ABI3BP: variants seen among roughly 807,000 people sequenced by gnomAD.
The protein encoded by ABI3BP is target of Nesh-SH3.
ABI3BP carries 216 observed loss-of-function variants against 268.6 expected under a neutral mutation model. That is an observed-to-expected ratio of 0.80 (90% confidence interval 0.72 to 0.90). ABI3BP has a LOEUF of 0.90. Among genes scored for constraint, ABI3BP ranks in the 40% least tolerant of loss-of-function variants. The probability of loss-of-function intolerance (pLI) is 0.00; values close to 1 mark genes in which losing one functional copy is unlikely to be tolerated. For synonymous variants in ABI3BP, 730 were observed against 730.0 expected, an observed-to-expected ratio of 1.00 and a Z score of 0.00; for missense variants, 2,090 against 2,182.4, an observed-to-expected ratio of 0.96 and a Z score of 0.84.
Position 100,810,493 on chromosome 3 carries a change from G to A in ABI3BP, c.3542-16C>T. On this transcript the variant is annotated splice_polypyrimidine_tract_variant and intron_variant, in intron 48 of 67. Transcript: ENST00000471714. Reference sequence around the variant, plus strand: ...GGCGACGTTTCTATGGTAATTGAAGGAAAGTACGCGGGTTACTATAGCACT... The same window carrying A: ...GGCGACGTTTCTATGGTAATTGAAGAAAAGTACGCGGGTTACTATAGCACT... The A allele has an allele frequency of 2.6e-6, 4 of 1,527,348 alleles. No individual in the cohort carries two copies. The highest frequency in any genetic ancestry group is 3.5e-6 in the Non-Finnish European group (4 of 1,139,274). The allele number at this position is 1,527,348 out of a possible 1,614,324, so 94.6% of individuals were successfully genotyped here.
At chr3:100,791,928 T>C (rs112743431) in intron 55 of ABI3BP, among the ~76,000 whole-genome samples, 95 of 152,032 alleles carry the variant, frequency 6.2e-4, no homozygotes, top group Middle Eastern at 3.4e-3. Context: ...ATGGGCAACA[T>C]ACATTTATTT....
chr3:100,806,299 A>G (rs1002813883), intron 50 of ABI3BP, among the ~76,000 whole-genome samples: 2 of 152,116 alleles, frequency 1.3e-5, no homozygotes, highest in Admixed American at 6.6e-5. Flanking sequence ...CCCAACAACA[A>G]TAGTTTGTAT....
chr3:100,958,963 C>T (rs2077814636), intron 1 of ABI3BP, among the ~76,000 whole-genome samples: 1 of 152,174 alleles, frequency 6.6e-6, no homozygotes, highest in African/African-American at 2.4e-5. Flanking sequence ...CTCAAAACCA[C>T]CCAGATCCTT....
intron 10 of ABI3BP, 77 bp from the exon 11 acceptor site, chr3:100,864,984 CT>C: frequency 9.0e-7 from 1 of 1,107,020 alleles, no homozygotes; most frequent in Non-Finnish European, 1.3e-6. Flanking sequence ...ATCCTGTTGC[CT>C]TTTAGAATTA....
At chr3:100,942,431 A>G (rs1430405243) in intron 1 of ABI3BP, among the ~76,000 whole-genome samples, 1 of 152,094 alleles carries the variant, frequency 6.6e-6, no homozygotes, top group African/African-American at 2.4e-5. Context: ...GTCAAAATTT[A>G]TTTTGTAATA....
intron 1 of ABI3BP, among the ~76,000 whole-genome samples, chr3:100,940,785 A>AATATATATATATATAT: frequency 9.2e-5 from 1 of 10,910 alleles, no homozygotes; most frequent in South Asian, 3.2e-3. Context: ...AAATTACTTC[A>AATATATATATATATAT]CTATATATAT....
At chr3:100,888,701 G>A (rs954926098) in intron 4 of ABI3BP, among the ~76,000 whole-genome samples, 1 of 152,040 alleles carries the variant, frequency 6.6e-6, no homozygotes, top group African/African-American at 2.4e-5. Flanking sequence ...AGTTTTTCAG[G>A]AAAATAAAGG....
chr3:100,840,007 A>G, intron 23 of ABI3BP, 65 bp downstream of exon 23: 1 of 1,370,992 alleles, frequency 7.3e-7, no homozygotes, highest in South Asian at 1.2e-5. Context: ...CAAGTAGCTG[A>G]TATCAAACCA....
intron 34 of ABI3BP, among the ~76,000 whole-genome samples, chr3:100,826,088 T>TAGAA (rs1376530107): frequency 1.3e-5 from 2 of 152,062 alleles, no homozygotes; most frequent in Admixed American, 6.6e-5. Flanking sequence ...GTCATAAAGG[T>TAGAA]AGAACTCTAC....
Position 100,838,533 on chromosome 3 carries a change from T to C in ABI3BP, c.1946-69A>G, listed in dbSNP as rs2098640593. On this transcript the variant is annotated intron_variant, in intron 24 of 67. Transcript: ENST00000471714. ...TGACTGTCAAAATTAAGGACAATTATGCAGAACAAAGACACTATATAAATT... is the reference window on the plus strand; with the variant it reads ...TGACTGTCAAAATTAAGGACAATTACGCAGAACAAAGACACTATATAAATT... 5 of 1,267,212 alleles carry C rather than the reference T, an allele frequency of 3.9e-6. No individual in the cohort carries two copies. The African/African-American group carries it at 5.9e-5, about 15-fold the overall frequency. 78.5% of individuals were successfully genotyped at this position (1,267,212 alleles called of 1,614,324 possible). A position where few individuals can be genotyped will look rare whatever the true frequency, so the allele number is the denominator to read the frequency against.
At chr3:100,830,556 G>A (rs1430951486) in intron 32 of ABI3BP, 22 bp downstream of exon 32, 1 of 1,531,006 alleles carries the variant, frequency 6.5e-7, no homozygotes, top group Admixed American at 2.0e-5. Flanking sequence ...GGCAGATGTT[G>A]ATGGACATAA....
Position 100,874,925 on chromosome 3 carries a change from T to C in ABI3BP, c.826A>G (p.Ile276Val), listed in dbSNP as rs182100909. ...PLGGVILVHLIIPGLNETTVK... is the reference protein window; with the variant it reads ...PLGGVILVHLVIPGLNETTVK... ...GTAGTTTCATTAAGACCTGGAATAA[T>C]AAGGTGGACTGCAAGGAAATAGATG... The change falls in exon 9 of 68, where the codon ATT (isoleucine) becomes GTT (valine). Residue 276 changes from isoleucine (I) to valine (V), a missense_variant. Physicochemically the swap from Ile to Val is conservative, Grantham distance 29. Transcript: ENST00000471714. 3.1e-5 allele frequency: 49 copies of C among 1,581,962 alleles called. No individual in the cohort carries two copies. The African/African-American group carries it at 5.5e-4, about 18-fold the overall frequency.
At chr3:100,821,238 ACTGTT>A in intron 38 of ABI3BP, 125 bp from the exon 39 acceptor site, 1 of 771,580 alleles carries the variant, frequency 1.3e-6, no homozygotes, top group Non-Finnish European at 2.0e-6. Context: ...ACCTTTAAAA[ACTGTT>A]AAAACTAAAA....
chr3:100,937,468 A>G (rs559281644), intron 1 of ABI3BP, among the ~76,000 whole-genome samples: 3 of 152,138 alleles, frequency 2.0e-5, no homozygotes, highest in Admixed American at 6.6e-5. Flanking sequence ...AATGAGATAT[A>G]GCTCAGCAAT....
rs536302010 is a variant in ABI3BP, at chr3:100,749,601, G to T, written c.*894C>A. ...ATTCTCTGATACATTCATTCATAGA[G>T]GTCTTAACGTATAAATACATAGTAA... On this transcript the variant is annotated 3_prime_UTR_variant, in exon 68 of 68. Transcript: ENST00000471714. 43 of 398,058 alleles carry T rather than the reference G, an allele frequency of 1.1e-4. No homozygotes were observed. Among genetic ancestry groups the T allele is most frequent in the Non-Finnish European group, 1.6e-4 (36 of 225,622 alleles). 24.7% of individuals were successfully genotyped at this position (398,058 alleles called of 1,614,324 possible).
chr3:100,814,886 C>T (rs2097976554), intron 44 of ABI3BP, among the ~76,000 whole-genome samples: 1 of 152,094 alleles, frequency 6.6e-6, no homozygotes, highest in Admixed American at 6.6e-5. Context: ...ATAGATCTCC[C>T]TCAGCTATGA....
chr3:100,824,218 A>G (rs1164143412), intron 36 of ABI3BP, among the ~76,000 whole-genome samples: 3 of 152,172 alleles, frequency 2.0e-5, no homozygotes, highest in Admixed American at 1.3e-4. Flanking sequence ...ACCATCATCA[A>G]CAGTCGTATA....
chr3:100,770,158 C>G (rs1404839731), intron 62 of ABI3BP, among the ~76,000 whole-genome samples: 4 of 152,148 alleles, frequency 2.6e-5, no homozygotes, highest in African/African-American at 9.7e-5. Context: ...ATCCTCCTCT[C>G]GTTTGACTAT....
rs2099153328 is a variant in ABI3BP at position 100,875,537 on chromosome 3, T to C, written c.788A>G (p.Glu263Gly). 6.2e-7 allele frequency: 1 copy of C among 1,613,438 alleles called. No homozygotes were observed. The highest frequency in any genetic ancestry group is 8.5e-7 in the Non-Finnish European group (1 of 1,179,368). ...VTHKDSAKSP[E>G]KAPLGGVILV... is the part of the protein sequence containing the mutation. The stretch of plus-strand genomic sequence containing the variant: ...TATCACTCCTCCCAGTGGAGCTTTT[T>C]CTGGGGATTTAGCTGAATCCTTGTG... The change falls in exon 8 of 68, where the codon GAA becomes GGA. Residue 263 changes from glutamate to glycine, a missense_variant. Glu to Gly is a moderately conservative substitution (Grantham distance 98). Coordinates refer to ENST00000471714, the MANE Select transcript of ABI3BP (RefSeq NM_001375547.2).
Sources: gnomAD v4.1 joint callset for allele counts (sites outside exome capture counted in the v4.1 genomes callset) on GRCh38, gnomAD v4.1.1 for gene constraint, MANE v1.5 for transcripts, NCBI Gene and HGNC (gene_info 2026-07-23, HGNC 2026-07-21) for gene names.